TRAPPC2L: variants seen among roughly 807,000 people sequenced by gnomAD.
TRAPPC2L encodes trafficking protein particle complex subunit 2-like protein.
Under a neutral mutation model 13.2 loss-of-function variants are expected in TRAPPC2L, and 17 were observed. The ratio of observed to expected loss-of-function variants is 1.29; its 90% CI spans 0.88 to 1.93. TRAPPC2L has a LOEUF of 1.93. TRAPPC2L is among the 30% of genes most tolerant of loss of function. The pLI is 0.00. For missense variants in TRAPPC2L, 359 were observed against 252.1 expected (o/e 1.42, Z -2.87); for synonymous variants, 150 against 98.1 (o/e 1.53, Z -3.12).
chr16:88,857,617 A>T (rs1367887260), intron 1 of TRAPPC2L, among the ~76,000 whole-genome samples: 1 of 152,242 alleles, frequency 6.6e-6, no homozygotes, highest in African/African-American at 2.4e-5. Flanking sequence ...AGACCTCTGC[A>T]GTGGCTTCTC....
chr16:88,859,979 C>T lies in TRAPPC2L; in HGVS notation c.381C>T (p.Ala127=), dbSNP rs2143016579. The stretch of plus-strand genomic sequence containing the variant: ...GGGACCGCATCCAGTCCAGGTGGGC[C>T]CTACTTTCTGTGTCTTGCCACCTTC... Residue 127 remains alanine, a synonymous_variant, in exon 4 of 4, where the codon GCC becomes GCT. Coordinates refer to ENST00000565504, the Ensembl canonical transcript of TRAPPC2L. 1 of 1,613,848 alleles carries T rather than the reference C, an allele frequency of 6.2e-7. No individual in the cohort carries two copies. Among genetic ancestry groups the T allele is most frequent in the Non-Finnish European group, 8.5e-7 (1 of 1,179,828 alleles).
exon 4 of TRAPPC2L, chr16:88,862,671 T>C (rs1968467382): frequency 1.3e-5 from 2 of 152,210 alleles, no homozygotes; most frequent in South Asian, 4.1e-4. Context: ...CACCCCTCTC[T>C]GGTTTAAGCC....
At chr16:88,857,023 G>A (rs1045948486), upstream of TRAPPC2L, 24 of 1,407,276 alleles carry the variant, frequency 1.7e-5, no homozygotes, top group African/African-American at 3.3e-4. Flanking sequence ...CGGGAGGCGG[G>A]GCCTGGACTG....
At chr16:88,857,104 C>T, upstream of TRAPPC2L, 1 of 1,553,942 alleles carries the variant, frequency 6.4e-7, no homozygotes, top group East Asian at 2.5e-5. Flanking sequence ...GGCCGCGTGA[C>T]CAGCGGCGGG....
intron 2 of TRAPPC2L, 48 bp downstream of exon 2, chr16:88,858,839 G>T (rs1270056079): frequency 1.3e-6 from 2 of 1,569,344 alleles, no homozygotes; most frequent in Non-Finnish European, 1.7e-6. Context: ...ACAGTTGCAA[G>T]ATGTACTTTA....
At chr16:88,861,021 C>G in exon 4 of TRAPPC2L, 1 of 1,523,674 alleles carries the variant, frequency 6.6e-7, no homozygotes, top group Non-Finnish European at 8.9e-7. Context: ...GGCCGTCGGT[C>G]TGTTCTGGTT....
At chr16:88,861,006 G>A (rs767361906) in exon 4 of TRAPPC2L, 23 of 1,548,626 alleles carry the variant, frequency 1.5e-5, no homozygotes, top group Non-Finnish European at 1.8e-5. Flanking sequence ...GCACGACTGT[G>A]GTGGGGCCGT....
chr16:88,859,828 A>C, intron 3 of TRAPPC2L, 65 bp from the exon 4 acceptor site: 2 of 1,585,108 alleles, frequency 1.3e-6, no homozygotes, highest in Non-Finnish European at 1.7e-6. Flanking sequence ...AAATGCTGAG[A>C]AACTAAAAAT....
exon 4 of TRAPPC2L, chr16:88,860,958 G>C: frequency 6.3e-7 from 1 of 1,588,452 alleles, no homozygotes; most frequent in Non-Finnish European, 8.6e-7. Flanking sequence ...CAGGTGTGCT[G>C]AGTGAGCTGT....
intron 1 of TRAPPC2L, 23 bp from the exon 2 acceptor site, chr16:88,858,596 G>C (rs1304438529): frequency 1.9e-6 from 3 of 1,608,658 alleles, no homozygotes; most frequent in South Asian, 2.2e-5. Flanking sequence ...TGTCCTTTCA[G>C]TCGCCGTCAT....
At chr16:88,861,570 C>A (rs568576418) in exon 4 of TRAPPC2L, 4 of 466,664 alleles carry the variant, frequency 8.6e-6, no homozygotes, top group Admixed American at 7.1e-5. Flanking sequence ...AACCTTGGAG[C>A]GCAGACTTGA....
exon 4 of TRAPPC2L, chr16:88,861,212 G>A (rs1002994349): frequency 5.3e-5 from 28 of 528,826 alleles, no homozygotes; most frequent in East Asian, 6.7e-5. Context: ...ATCAGATGGC[G>A]CAGGTAGCCT....
At chr16:88,862,041 G>T (rs1320744242) in exon 4 of TRAPPC2L, 1 of 173,450 alleles carries the variant, frequency 5.8e-6, no homozygotes, top group Non-Finnish European at 1.3e-5. Context: ...CCAGGCAGCT[G>T]ATCTGGGTGC....
At chr16:88,861,743 C>T (rs768007948) in exon 4 of TRAPPC2L, 6 of 455,714 alleles carry the variant, frequency 1.3e-5, no homozygotes, top group South Asian at 9.3e-5. Context: ...GGGGACCCCC[C>T]CGGAGTTGGT....
intron 2 of TRAPPC2L, 109 bp from the exon 3 acceptor site, chr16:88,859,554 G>A: frequency 9.5e-7 from 1 of 1,053,820 alleles, no homozygotes; most frequent in Non-Finnish European, 1.5e-6. Context: ...CCCAGCATGG[G>A]CATTTCCTGT....
At position 88,859,752 on chromosome 16, in the gene TRAPPC2L, T is replaced by A; in HGVS notation, c.294+2T>A. ...CTTCGAGACAACGAAATTCGCAGCGTAAGTCAGGGAGTTAGAGGGCCACGC... is the reference window on the plus strand; with the variant it reads ...CTTCGAGACAACGAAATTCGCAGCGAAAGTCAGGGAGTTAGAGGGCCACGC... On this transcript the variant is annotated splice_donor_variant, in intron 3 of 3. Coordinates refer to ENST00000565504, the Ensembl canonical transcript of TRAPPC2L. LOFTEE classifies it high-confidence loss of function. 2 of 1,613,526 alleles carry A rather than the reference T, an allele frequency of 1.2e-6. No homozygotes were observed. The highest frequency in any genetic ancestry group is 1.7e-6 in the Non-Finnish European group (2 of 1,179,662).
At chr16:88,860,801 C>A in exon 4 of TRAPPC2L, 3 of 1,206,384 alleles carry the variant, frequency 2.5e-6, no homozygotes, top group Non-Finnish European at 3.6e-6. Context: ...CATTTCTGGA[C>A]CCTGGAGAAG....
At chr16:88,857,106 A>C (rs753641427), upstream of TRAPPC2L, 6 of 1,522,354 alleles carry the variant, frequency 3.9e-6, no homozygotes, top group Admixed American at 7.9e-5. Flanking sequence ...CCGCGTGACC[A>C]GCGGCGGGTC....
At chr16:88,857,057 C>G, upstream of TRAPPC2L, 4 of 1,460,246 alleles carry the variant, frequency 2.7e-6, no homozygotes, top group Non-Finnish European at 3.6e-6. Context: ...GGGGCGGGGC[C>G]TGAGCCAGCT....
Sources: allele counts gnomAD v4.1 joint callset (sites outside exome capture counted in the v4.1 genomes callset), GRCh38; gene constraint gnomAD v4.1.1; transcripts MANE v1.5; gene names NCBI Gene and HGNC (gene_info 2026-07-23, HGNC 2026-07-21).